The following ITGB5 variants were observed in gnomAD, a reference collection of about 807,000 sequenced individuals.
The protein encoded by ITGB5 is integrin beta-5.
A neutral mutation model predicts 84.8 loss-of-function variants in ITGB5; 38 were observed. The ratio of observed to expected loss-of-function variants is 0.45; its 90% CI spans 0.35 to 0.59. ITGB5 has a LOEUF of 0.59. ITGB5 is among the 20% of genes least tolerant of loss of function. The pLI is 0.01. For synonymous variants in ITGB5, 393 were observed against 414.4 expected (o/e 0.95, Z 0.63); for missense variants, 905 against 1,034.5 (o/e 0.87, Z 1.72).
At position 124,773,804 on chromosome 3, in the gene ITGB5, A is replaced by C. The variant is rs2063883382; in HGVS notation, c.1802T>G (p.Ile601Ser). 6.2e-7 allele frequency: 1 copy of C among 1,613,928 alleles called. No individual in the cohort carries two copies. Among genetic ancestry groups the C allele is most frequent in the Non-Finnish European group, 8.5e-7 (1 of 1,180,018 alleles). The change falls in exon 11 of 15, where the codon ATC becomes AGC. Residue 601 changes from isoleucine (I) to serine (S), a missense_variant. Around this residue, in one of 3 missense-constraint regions of ITGB5, gnomAD observed 116 missense variants for 177.0 expected, o/e 0.66. Coordinates refer to ENST00000296181, the MANE Select transcript of ITGB5 (RefSeq NM_002213.5). ...GAGACAGTGCCCACGCTCGCTGCAG[A>C]TCTGGCCATCTCTGCCCCGGCATGT... ...ISTCRGRDGQ[I>S]CSERGHCLCG... is the part of the protein sequence containing the mutation.
chr3:124,883,124 A>G (rs1240957264), intron 1 of ITGB5, among the ~76,000 whole-genome samples: 1 of 152,190 alleles, frequency 6.6e-6, no homozygotes, highest in Non-Finnish European at 1.5e-5. Context: ...CCAGCTGCAC[A>G]CTGCCATGTG....
At chr3:124,865,327 T>G (rs182691981) in intron 2 of ITGB5, among the ~76,000 whole-genome samples, 1 of 152,100 alleles carries the variant, frequency 6.6e-6, no homozygotes, top group East Asian at 1.9e-4. Flanking sequence ...ACACAACTGC[T>G]TGCAGATGCT....
chr3:124,890,321 A>G (rs188021969), upstream of ITGB5, among the ~76,000 whole-genome samples: 1,128 of 145,560 alleles, frequency 7.7e-3, 9 homozygotes, highest in African/African-American at 0.027. Context: ...CTCCTGTCTC[A>G]CCCTCCCAAG....
intron 10 of ITGB5, among the ~76,000 whole-genome samples, chr3:124,779,652 A>G (rs182359827): frequency 1.6e-3 from 240 of 152,292 alleles, no homozygotes; most frequent in Non-Finnish European, 2.8e-3. Context: ...TGAATCTGCT[A>G]TTTACCAGCA....
chr3:124,780,198 C>T (rs538775591), intron 10 of ITGB5, among the ~76,000 whole-genome samples: 11 of 146,462 alleles, frequency 7.5e-5, no homozygotes, highest in Middle Eastern at 3.4e-3. Context: ...CACGGGGACC[C>T]TCAACTCTGG....
chr3:124,808,620 C>T (rs1034910964), intron 9 of ITGB5, among the ~76,000 whole-genome samples: 3 of 152,116 alleles, frequency 2.0e-5, no homozygotes, highest in Non-Finnish European at 4.4e-5. Context: ...TTTCACAGAA[C>T]GGAAAAGTGA....
rs2064672126 is a variant in ITGB5 at position 124,819,826 on chromosome 3, T to G, written c.951A>C (p.Pro317=). 1 of 1,613,378 alleles carries G rather than the reference T, an allele frequency of 6.2e-7. No individual in the cohort carries two copies. The highest frequency in any genetic ancestry group is 2.2e-5 in the East Asian group (1 of 44,870). ...EYTASNQMDY[P]SLALLGEKLA... ...ATTTCTCTCCAAGCAAGGCAAGGGA[T>G]GGATAGTCCTAGGGCCAAGGCAAAA... The change falls in exon 7 of 15, where the codon CCA becomes CCC. Residue 317 remains proline, a synonymous_variant. Transcript: ENST00000296181.
chr3:124,766,107 C>T, intron 13 of ITGB5, 119 bp downstream of exon 13: 1 of 1,003,196 alleles, frequency 1.0e-6, no homozygotes, highest in Non-Finnish European at 1.5e-6. Flanking sequence ...CCTCCTCTCC[C>T]TGCAGTTTCA....
intron 1 of ITGB5, among the ~76,000 whole-genome samples, chr3:124,881,318 A>C (rs1312170376): frequency 1.3e-5 from 2 of 152,086 alleles, no homozygotes; most frequent in East Asian, 1.9e-4. Context: ...AAGCCCATTA[A>C]AATCCTGGGG....
chr3:124,846,693 G>C (rs1305885440), intron 4 of ITGB5, among the ~76,000 whole-genome samples: 1 of 152,180 alleles, frequency 6.6e-6, no homozygotes, highest in Non-Finnish European at 1.5e-5. Context: ...CAGCACTTTG[G>C]GAGGCTGAGG....
chr3:124,878,725 C>A (rs1260368063), intron 1 of ITGB5: 1 of 152,200 alleles, frequency 6.6e-6, no homozygotes, highest in African/African-American at 2.4e-5. Context: ...CCTTTGGCAT[C>A]TCTCCTCTCT....
intron 8 of ITGB5, among the ~76,000 whole-genome samples, chr3:124,813,058 G>A (rs1005810023): frequency 3.9e-5 from 6 of 152,192 alleles, no homozygotes; most frequent in Non-Finnish European, 8.8e-5. Context: ...CTGGCCGGAT[G>A]CGGAGCAGGT....
chr3:124,855,046 C>T (rs1467640554), intron 3 of ITGB5, among the ~76,000 whole-genome samples: 3 of 152,142 alleles, frequency 2.0e-5, no homozygotes, highest in Non-Finnish European at 4.4e-5. Flanking sequence ...AGCGCAGTGG[C>T]TCACACCTGT....
At position 124,766,357 on chromosome 3, in the gene ITGB5, C is replaced by T. The variant is rs2063768479; in HGVS notation, c.2018-12G>A. The T allele has an allele frequency of 6.2e-7, 1 of 1,613,508 alleles. No homozygotes were observed. Among genetic ancestry groups the T allele is most frequent in the African/African-American group, 1.3e-5 (1 of 74,924 alleles). On this transcript the variant is annotated splice_polypyrimidine_tract_variant and intron_variant, in intron 12 of 14. Coordinates refer to ENST00000296181, the MANE Select transcript of ITGB5 (RefSeq NM_002213.5). ...CTGGTCATCTTTCACTGGAAGAAAA[C>T]CAAGCGGGAATGGCCTGAGTCTCTC...
intron 9 of ITGB5, among the ~76,000 whole-genome samples, chr3:124,802,463 C>T (rs999495699): frequency 6.6e-6 from 1 of 152,202 alleles, no homozygotes; most frequent in African/African-American, 2.4e-5. Flanking sequence ...CCCCTTCTGT[C>T]TTGGGGATCA....
chr3:124,785,786 T>C (rs2064074268), intron 10 of ITGB5, among the ~76,000 whole-genome samples: 1 of 152,124 alleles, frequency 6.6e-6, no homozygotes, highest in Non-Finnish European at 1.5e-5. Flanking sequence ...TGACATATCC[T>C]TATGTAACCT....
chr3:124,796,754 C>T lies in ITGB5; in HGVS notation c.1327G>A (p.Ala443Thr). 1 of 1,614,022 alleles carries T rather than the reference C, an allele frequency of 6.2e-7. No individual in the cohort carries two copies. The change falls in exon 10 of 15, where the codon GCC becomes ACC. Residue 443 changes from alanine to threonine, a missense_variant. By Grantham distance (58) the Ala-to-Thr change is moderately conservative. Coordinates refer to ENST00000296181, the MANE Select transcript of ITGB5 (RefSeq NM_002213.5). Reference sequence around the variant, plus strand: ...TCCCGGAATCCCACCGGCCGCAGGGCAAACACATGCTCCGTGTGTCTGCTG... The same window carrying T: ...TCCCGGAATCCCACCGGCCGCAGGGTAAACACATGCTCCGTGTGTCTGCTG... ...CPSRHTEHVF[A>T]LRPVGFRDSL...
At chr3:124,853,231 A>C (rs1289334688) in intron 3 of ITGB5, among the ~76,000 whole-genome samples, 1 of 152,192 alleles carries the variant, frequency 6.6e-6, no homozygotes, top group African/African-American at 2.4e-5. Flanking sequence ...CTCTATTATA[A>C]CAGGACTACA....
At chr3:124,887,761 C>G, upstream of ITGB5, 1 of 435,432 alleles carries the variant, frequency 2.3e-6, no homozygotes, top group Non-Finnish European at 4.7e-6. Flanking sequence ...GTACGGGGGT[C>G]GTGCCGGTAC....
Sources: allele counts gnomAD v4.1 joint callset (sites outside exome capture counted in the v4.1 genomes callset), GRCh38; gene constraint gnomAD v4.1.1; regional missense constraint gnomAD v4.1.1; transcripts MANE v1.5; gene names NCBI Gene and HGNC (gene_info 2026-07-23, HGNC 2026-07-21).